The following CAMTA1 variants were observed in gnomAD, a reference collection of about 807,000 sequenced individuals.
CAMTA1 encodes the protein calmodulin-binding transcription activator 1.
A neutral mutation model predicts 170.9 loss-of-function variants in CAMTA1; 27 were observed. That is an observed-to-expected ratio of 0.16 (90% CI 0.12 to 0.22). The LOEUF (loss-of-function observed/expected upper bound fraction) is 0.22, where lower values mean the gene tolerates loss of function less well. Ranked by LOEUF, CAMTA1 falls within the 10% of genes least tolerant of loss-of-function variation. The probability of loss-of-function intolerance (pLI) is 1.00; values close to 1 mark genes in which losing one functional copy is unlikely to be tolerated. For synonymous variants in CAMTA1, 833 were observed against 891.5 expected, an observed-to-expected ratio of 0.93 and a Z score of 1.17; for missense variants, 1,619 against 2,217.2, an observed-to-expected ratio of 0.73 and a Z score of 5.42.
At chr1:7,103,552 TAC>T (rs1418970035) in intron 4 of CAMTA1, among the ~76,000 whole-genome samples, 4 of 24,838 alleles carry the variant, frequency 1.6e-4, no homozygotes, top group African/African-American at 9.6e-4. Context: ...ATGTACACAC[TAC>T]ACACATACAC....
At chr1:7,029,021 C>T (rs1702413139) in intron 3 of CAMTA1, among the ~76,000 whole-genome samples, 1 of 152,110 alleles carries the variant, frequency 6.6e-6, no homozygotes. Flanking sequence ...ATTCCCTTAC[C>T]CTCTAGGACA....
At chr1:7,235,572 A>C (rs563017120) in intron 4 of CAMTA1, among the ~76,000 whole-genome samples, 1 of 152,332 alleles carries the variant, frequency 6.6e-6, no homozygotes, top group Admixed American at 6.5e-5. Context: ...GGTTGCAGTG[A>C]GCAGAGATCA....
intron 3 of CAMTA1, among the ~76,000 whole-genome samples, chr1:6,893,352 G>T (rs550472134): frequency 6.6e-6 from 1 of 152,306 alleles, no homozygotes; most frequent in South Asian, 2.1e-4. Flanking sequence ...GCCAGTTCCT[G>T]CTGGCTTTCC....
intron 7 of CAMTA1, among the ~76,000 whole-genome samples, chr1:7,661,098 G>A (rs1016775487): frequency 6.6e-6 from 1 of 152,238 alleles, no homozygotes; most frequent in Non-Finnish European, 1.5e-5. Context: ...AGTCAGCACT[G>A]GGCACTGAGC....
intron 6 of CAMTA1, among the ~76,000 whole-genome samples, chr1:7,516,265 T>G (rs1045427837): frequency 2.0e-5 from 3 of 152,268 alleles, no homozygotes; most frequent in Non-Finnish European, 4.4e-5. Context: ...ATTCATTAGA[T>G]GCTTAATTAG....
chr1:7,537,996 C>A (rs1357604519), intron 6 of CAMTA1, among the ~76,000 whole-genome samples: 5 of 152,204 alleles, frequency 3.3e-5, no homozygotes, highest in Admixed American at 3.3e-4. Context: ...TTTTTCTCTG[C>A]TCTGTTCTTC....
In CAMTA1 at chr1:7,482,227, G is replaced by A. The variant is rs1252817411; in HGVS notation, c.510+14326G>A. 6.6e-6 allele frequency among the ~76,000 whole-genome samples: 1 copy of A among 152,182 alleles called. No homozygotes were observed. Among genetic ancestry groups the A allele is most frequent in the Non-Finnish European group, 1.5e-5 (1 of 68,032 alleles). On this transcript the variant is annotated intron_variant, in intron 6 of 22. Transcript: ENST00000303635. This position sits in a 1 kb window ranked among gnomAD's most constrained non-coding sequence, Gnocchi z 4.2. The stretch of plus-strand genomic sequence containing the variant: ...TCAAGCATAAGCTCCACAGGGTCAG[G>A]GGCATGATCTGTTTTGTTCACTGCT...
chr1:6,785,560 GA>G lies in CAMTA1; in HGVS notation c.34del (p.Thr12GlnfsTer26). On this transcript the variant is annotated frameshift_variant, in exon 1 of 23. Coordinates refer to ENST00000303635, the MANE Select transcript of CAMTA1 (RefSeq NM_015215.4). LOFTEE classifies it high-confidence loss of function. MWRAEGKWLPKTSRKSVSQSV... is the reference protein window; with the variant it reads MWRAEGKWLPXTSRKSVSQSV... ...GGCGCGCGGAGGGGAAATGGCTGCC[GA>G]AAACAAGCCGGAAGGTAAGAGCCGG... The G allele has an allele frequency of 1.9e-6, 2 of 1,076,554 alleles. No homozygotes were observed. Among genetic ancestry groups the G allele is most frequent in the South Asian group, 2.9e-5 (1 of 35,008 alleles). 66.7% of individuals were successfully genotyped at this position (1,076,554 alleles called of 1,614,324 possible).
At chr1:6,974,628 G>A (rs914254693) in intron 3 of CAMTA1, among the ~76,000 whole-genome samples, 1 of 152,164 alleles carries the variant, frequency 6.6e-6, no homozygotes, top group African/African-American at 2.4e-5. Flanking sequence ...CTGCTCGGAG[G>A]GAGTCTTTGA....
chr1:7,278,789 A>G (rs1191452899), intron 5 of CAMTA1, among the ~76,000 whole-genome samples: 1 of 152,222 alleles, frequency 6.6e-6, no homozygotes, highest in Non-Finnish European at 1.5e-5. Context: ...CTTGGCCCTC[A>G]CGTAGCTTCC....
At chr1:6,810,194 G>T (rs933130347) in intron 1 of CAMTA1, among the ~76,000 whole-genome samples, 1 of 152,208 alleles carries the variant, frequency 6.6e-6, no homozygotes, top group African/African-American at 2.4e-5. Context: ...TGTGGTCGAG[G>T]TGCTGGCCAG....
chr1:7,296,788 T>C (rs1288875712), intron 5 of CAMTA1, among the ~76,000 whole-genome samples: 4 of 151,422 alleles, frequency 2.6e-5, no homozygotes, highest in Non-Finnish European at 4.4e-5. Flanking sequence ...ATACAGACTT[T>C]TGTAGTCATT....
chr1:7,052,924 G>A (rs960284170), intron 3 of CAMTA1, among the ~76,000 whole-genome samples: 2 of 152,108 alleles, frequency 1.3e-5, no homozygotes, highest in African/African-American at 2.4e-5. Flanking sequence ...CGCACTCCTC[G>A]CAGCTGCTGA....
intron 1 of CAMTA1, among the ~76,000 whole-genome samples, chr1:6,786,433 AGG>A: frequency 6.6e-6 from 1 of 152,164 alleles, no homozygotes; most frequent in Non-Finnish European, 1.5e-5. Flanking sequence ...TCCTTGGCAC[AGG>A]GGTCCGTCTG....
At chr1:7,131,085 C>T (rs1212271995) in intron 4 of CAMTA1, among the ~76,000 whole-genome samples, 1 of 151,998 alleles carries the variant, frequency 6.6e-6, no homozygotes, top group Non-Finnish European at 1.5e-5. Context: ...TCCTAAGTAA[C>T]TGGGACTACA....
At chr1:6,967,437 A>G (rs1226467843) in intron 3 of CAMTA1, among the ~76,000 whole-genome samples, 1 of 152,100 alleles carries the variant, frequency 6.6e-6, no homozygotes, top group Non-Finnish European at 1.5e-5. Context: ...CCCACCCGCG[A>G]ATGTGGCCTC....
chr1:7,352,165 G>A (rs550601205), intron 5 of CAMTA1, among the ~76,000 whole-genome samples: 2 of 151,428 alleles, frequency 1.3e-5, no homozygotes, highest in Admixed American at 1.3e-4. Flanking sequence ...AGAGGGAGGA[G>A]AGAAGGAGGA....
intron 3 of CAMTA1, among the ~76,000 whole-genome samples, chr1:6,888,751 G>A (rs1054840042): frequency 2.0e-5 from 3 of 152,120 alleles, no homozygotes; most frequent in East Asian, 1.9e-4. Flanking sequence ...GTCTTTATTC[G>A]TTGTGTGTTG....
chr1:7,384,901 C>T (rs2149088512), intron 5 of CAMTA1, among the ~76,000 whole-genome samples: 1 of 152,246 alleles, frequency 6.6e-6, no homozygotes, highest in Non-Finnish European at 1.5e-5. Context: ...GTCAGCGCCA[C>T]TGCCCAGGGA....
Sources: gnomAD v4.1 joint callset for allele counts (sites outside exome capture counted in the v4.1 genomes callset) on GRCh38, gnomAD v4.1.1 for gene constraint, Gnocchi (gnomAD v3.1) non-coding constraint, MANE v1.5 for transcripts, NCBI Gene and HGNC (gene_info 2026-07-23, HGNC 2026-07-21) for gene names.